Variants in MAP1LC3A observed in about 807,000 individuals in gnomAD.
MAP1LC3A encodes the protein microtubule-associated protein 1 light chain 3 alpha.
In MAP1LC3A, 10 loss-of-function variants were observed where a neutral mutation model predicts 15.2. The ratio of observed to expected loss-of-function variants is 0.66; its 90% CI spans 0.41 to 1.12. MAP1LC3A has a LOEUF of 1.12. Ranked by LOEUF, MAP1LC3A falls within the 50% of genes most tolerant of loss-of-function variation. The pLI, the probability that MAP1LC3A is intolerant of heterozygous loss-of-function variation, is 0.00. For missense variants in MAP1LC3A, 138 were observed against 167.3 expected (o/e 0.82, Z 0.97); for synonymous variants, 63 against 64.3 (o/e 0.98, Z 0.10).
chr20:34,556,331 G>GT (rs1230443242), upstream of MAP1LC3A, among the ~76,000 whole-genome samples: 1 of 152,218 alleles, frequency 6.6e-6, no homozygotes, highest in Admixed American at 6.5e-5. Context: ...CACCCTAGTA[G>GT]TTGGGTCATT....
upstream of MAP1LC3A, among the ~76,000 whole-genome samples, chr20:34,555,238 C>T (rs564996986): frequency 2.0e-5 from 3 of 151,930 alleles, no homozygotes; most frequent in East Asian, 1.9e-4. Context: ...CTCTGCCTCC[C>T]GGATTCAAGC....
At chr20:34,559,525 G>C (rs1363775792) in intron 3 of MAP1LC3A, 72 bp downstream of exon 3, 1 of 1,433,146 alleles carries the variant, frequency 7.0e-7, no homozygotes, top group Non-Finnish European at 9.7e-7. Context: ...AGAAGGGGTG[G>C]GAGTGGGGTC....
intron 1 of MAP1LC3A, 23 bp from the exon 2 acceptor site, chr20:34,559,185 C>T (rs1164353481): frequency 3.8e-6 from 6 of 1,565,802 alleles, no homozygotes; most frequent in Non-Finnish European, 5.2e-6. Flanking sequence ...GACCCGGCCT[C>T]ACGGTCTGGC....
upstream of MAP1LC3A, among the ~76,000 whole-genome samples, chr20:34,555,144 C>CTTTTT (rs201229933): frequency 4.9e-5 from 7 of 141,520 alleles, 2 homozygotes; most frequent in South Asian, 2.2e-4. Flanking sequence ...AGCGAATTTT[C>CTTTTT]TTATTTTTTT....
chr20:34,547,640 G>A lies in MAP1LC3A; in HGVS notation c.-74+724G>A, dbSNP rs1318427957. ...CTGATGGTTTGGTAGGTCCTCCTGCGTTCATTCTCTCTCCTGTCGCCTAGC... is the reference window on the plus strand; with the variant it reads ...CTGATGGTTTGGTAGGTCCTCCTGCATTCATTCTCTCTCCTGTCGCCTAGC... On this transcript the variant is annotated intron_variant, in intron 1 of 4. Coordinates refer to the MAP1LC3A transcript ENST00000374837. Among the ~76,000 whole-genome samples the A allele has an allele frequency of 4.6e-5, 7 of 151,944 alleles. No homozygotes were observed. The East Asian group carries it at 5.8e-4, about 13-fold the overall frequency.
chr20:34,549,919 C>G, exon 2 of MAP1LC3A: 1 of 1,508,724 alleles, frequency 6.6e-7, no homozygotes. Context: ...CCATGGCTTC[C>G]GAGTTGCTGA....
chr20:34,558,485 C>T (rs1164902298), upstream of MAP1LC3A: 1 of 1,027,926 alleles, frequency 9.7e-7, no homozygotes, highest in African/African-American at 1.7e-5. This position sits in a 1 kb window ranked among gnomAD's most constrained non-coding sequence, Gnocchi z 4.3. Flanking sequence ...CTAGGGCGGC[C>T]CCACCGCCCT....
At position 34,559,810 on chromosome 20, in the gene MAP1LC3A, C is replaced by G; in HGVS notation, c.278C>G (p.Thr93Arg). The change falls in exon 4 of 4, where the codon ACG (threonine) becomes AGG (arginine). Residue 93 changes from threonine to arginine, a missense_variant. Coordinates refer to ENST00000360668, the MANE Select transcript of MAP1LC3A (RefSeq NM_032514.4). ...CAGCACAGCATGGTGAGTGTGTCCA[C>G]GCCCATCGCGGACATCTACGAGCAG... ...VNQHSMVSVS[T>R]PIADIYEQEK... 1 of 1,613,982 alleles carries G rather than the reference C, an allele frequency of 6.2e-7. No homozygotes were observed. The highest frequency in any genetic ancestry group is 8.5e-7 in the Non-Finnish European group (1 of 1,179,986).
intron 3 of MAP1LC3A, 99 bp downstream of exon 3, chr20:34,559,552 G>T: frequency 7.7e-7 from 1 of 1,295,228 alleles, no homozygotes; most frequent in Non-Finnish European, 1.1e-6. Flanking sequence ...GATGGGACCG[G>T]GCGGTGGGCC....
intron 2 of MAP1LC3A, among the ~76,000 whole-genome samples, chr20:34,550,767 C>A (rs1010444380): frequency 6.6e-6 from 1 of 152,104 alleles, no homozygotes; most frequent in Admixed American, 6.6e-5. Context: ...ATCTCCTATT[C>A]GTCCAAGTGA....
chr20:34,559,150 A>G, intron 1 of MAP1LC3A, 58 bp from the exon 2 acceptor site: 1 of 1,458,862 alleles, frequency 6.9e-7, no homozygotes, highest in Non-Finnish European at 9.1e-7. Flanking sequence ...CCTCCGGGAC[A>G]GGCGGGGCGG....
intron 2 of MAP1LC3A, among the ~76,000 whole-genome samples, chr20:34,551,542 G>A (rs1324862330): frequency 2.1e-5 from 3 of 143,736 alleles, no homozygotes; most frequent in African/African-American, 7.8e-5. Context: ...CACGATTTCG[G>A]CTCACTGCAA....
chr20:34,550,122 G>C (rs995654986), intron 2 of MAP1LC3A: 114 of 1,295,908 alleles, frequency 8.8e-5, no homozygotes, highest in Non-Finnish European at 1.1e-4. Context: ...GGCCAGGGTT[G>C]CTCCGCCCGT....
chr20:34,559,129 C>T (rs1022202384), intron 1 of MAP1LC3A, 79 bp from the exon 2 acceptor site: 1 of 1,399,440 alleles, frequency 7.1e-7, no homozygotes. Flanking sequence ...GGGGCGTGGC[C>T]GGGGGCCGCC....
intron 3 of MAP1LC3A, 45 bp from the exon 4 acceptor site, chr20:34,559,691 C>G (rs1435628189): frequency 2.6e-6 from 4 of 1,562,748 alleles, no homozygotes; most frequent in Non-Finnish European, 2.6e-6. Context: ...ATGTCCGTCC[C>G]GCAGCCAAGC....
upstream of MAP1LC3A, chr20:34,558,473 GCCTAGGGCGGCCCCACCGC>G (rs1318790679): frequency 9.9e-7 from 1 of 1,014,580 alleles, no homozygotes; most frequent in East Asian, 9.1e-5. This position sits in a 1 kb window ranked among gnomAD's most constrained non-coding sequence, Gnocchi z 4.3. Flanking sequence ...CGCTCCATCG[GCCTAGGGCGGCCCCACCGC>G]CCTCCGGGCC....
intron 1 of MAP1LC3A, among the ~76,000 whole-genome samples, chr20:34,547,308 T>C (rs978325265): frequency 1.1e-4 from 17 of 151,710 alleles, no homozygotes; most frequent in Non-Finnish European, 2.2e-4. Flanking sequence ...GAAGTAATTA[T>C]GATGGCTGTG....
Position 34,559,814 on chromosome 20 carries a change from C to A in MAP1LC3A, c.282C>A (p.Pro94=). Residue 94 remains proline (P), a synonymous_variant, in exon 4 of 4, where the codon CCC becomes CCA. Coordinates refer to ENST00000360668, the MANE Select transcript of MAP1LC3A (RefSeq NM_032514.4). ...ACAGCATGGTGAGTGTGTCCACGCC[C>A]ATCGCGGACATCTACGAGCAGGAGA... ...NQHSMVSVST[P]IADIYEQEKD... The A allele has an allele frequency of 1.2e-6, 2 of 1,613,960 alleles. No individual in the cohort carries two copies.
chr20:34,555,152 T>C (rs575263748), upstream of MAP1LC3A, among the ~76,000 whole-genome samples: 980 of 151,762 alleles, frequency 6.5e-3, 10 homozygotes, highest in Middle Eastern at 0.014. Context: ...TTCTTATTTT[T>C]TTTTTTTTTT....
Sources: gnomAD v4.1 joint callset for allele counts (sites outside exome capture counted in the v4.1 genomes callset) on GRCh38, gnomAD v4.1.1 for gene constraint, Gnocchi (gnomAD v3.1) non-coding constraint, MANE v1.5 for transcripts, NCBI Gene and HGNC (gene_info 2026-07-23, HGNC 2026-07-21) for gene names.